Variants in PLCXD1 observed in about 807,000 individuals in gnomAD.
PLCXD1 encodes the protein phosphatidylinositol specific phospholipase C X domain containing 1.
A neutral mutation model predicts 37.8 loss-of-function variants in PLCXD1; 45 were observed. That is an observed-to-expected ratio of 1.19 (90% confidence interval 0.94 to 1.53). The LOEUF is 1.53. PLCXD1 is among the 40% of genes most tolerant of loss of function. The pLI is 0.00. For missense variants in PLCXD1, 539 were observed against 454.7 expected (o/e 1.19, Z -1.69); for synonymous variants, 246 against 206.9 (o/e 1.19, Z -1.62).
In PLCXD1 at chrX:300,238, C is replaced by T. The variant is rs2069961140; in HGVS notation, c.*903C>T. The T allele has an allele frequency of 6.6e-6, 1 of 151,862 alleles. No individual in the cohort carries two copies. Among genetic ancestry groups the T allele is most frequent in the Non-Finnish European group, 1.5e-5 (1 of 68,006 alleles). 9.4% of individuals were successfully genotyped at this position (151,862 alleles called of 1,614,324 possible). A position where few individuals can be genotyped will look rare whatever the true frequency, so the allele number is the denominator to read the frequency against. ...TCTCCTTGCTGTGGCGTCTGGAGCC[C>T]TTACAGACCCAGGGAGACACTATCC... On this transcript the variant is annotated 3_prime_UTR_variant, in exon 7 of 7. Transcript: ENST00000381657.
chrX:288,095 C>G (rs1466915930), intron 2 of PLCXD1, among the ~76,000 whole-genome samples: 1 of 151,044 alleles, frequency 6.6e-6, no homozygotes, highest in Non-Finnish European at 1.5e-5. Flanking sequence ...GTGGCCTCCT[C>G]CTCTGGGTCT....
intron 3 of PLCXD1, among the ~76,000 whole-genome samples, chrX:289,339 A>G (rs181143381): frequency 2.6e-4 from 40 of 151,986 alleles, no homozygotes; most frequent in East Asian, 1.4e-3. Context: ...TGCCCGCCCC[A>G]GCCTCCGAAA....
chrX:292,408 G>T (rs1327400220), intron 5 of PLCXD1, among the ~76,000 whole-genome samples: 1 of 151,926 alleles, frequency 6.6e-6, no homozygotes, highest in Admixed American at 6.6e-5. Context: ...GCAGTGAGCC[G>T]AGATCGCGCC....
At chrX:281,132 G>C (rs1234496792), upstream of PLCXD1, 4 of 128,122 alleles carry the variant, frequency 3.1e-5, no homozygotes, top group African/African-American at 9.7e-5. Context: ...GCCGTGCAGG[G>C]GGAGGGGGGG....
chrX:291,779 C>A, intron 5 of PLCXD1, 125 bp downstream of exon 5: 1 of 1,055,262 alleles, frequency 9.5e-7, no homozygotes, highest in Non-Finnish European at 1.5e-6. Context: ...AGCCGTCGAA[C>A]GGGGGCTGCC....
At chrX:279,491 G>A (rs1376845426), upstream of PLCXD1, among the ~76,000 whole-genome samples, 3 of 152,204 alleles carry the variant, frequency 2.0e-5, no homozygotes, top group Admixed American at 6.5e-5. Context: ...TTATTATTAG[G>A]CCGGGCACGG....
At chrX:279,775 GA>G (rs1557374205), upstream of PLCXD1, among the ~76,000 whole-genome samples, 124 of 140,202 alleles carry the variant, frequency 8.8e-4, no homozygotes, top group Middle Eastern at 3.7e-3. Context: ...CCCTGTCTCT[GA>G]AAAAAAAAAA....
At chrX:293,783 G>A (rs191907248) in intron 6 of PLCXD1, among the ~76,000 whole-genome samples, 18 of 152,278 alleles carry the variant, frequency 1.2e-4, no homozygotes, top group African/African-American at 3.9e-4. Flanking sequence ...AAAAGGACAC[G>A]TAGTGTGTGA....
At chrX:285,316 G>A (rs1436261025) in intron 2 of PLCXD1, among the ~76,000 whole-genome samples, 1 of 151,828 alleles carries the variant, frequency 6.6e-6, no homozygotes, top group Non-Finnish European at 1.5e-5. Context: ...GCATGCACAT[G>A]TGCGGGTGTG....
At chrX:286,206 AG>A (rs2069447610) in intron 2 of PLCXD1, among the ~76,000 whole-genome samples, 2 of 151,960 alleles carry the variant, frequency 1.3e-5, no homozygotes, top group African/African-American at 4.8e-5. Flanking sequence ...CTGGGATTAC[AG>A]GCACGCTCCA....
chrX:293,253 A>G (rs758204401), intron 6 of PLCXD1, 35 bp downstream of exon 6: 14 of 1,556,148 alleles, frequency 9.0e-6, no homozygotes, highest in South Asian at 7.9e-5. Flanking sequence ...TAGATTCCAC[A>G]CAGCCTCCCG....
intron 3 of PLCXD1, among the ~76,000 whole-genome samples, chrX:290,329 C>G (rs1013433268): frequency 9.2e-5 from 14 of 151,592 alleles, no homozygotes; most frequent in Non-Finnish European, 1.5e-4. Flanking sequence ...ACTGGGGAGG[C>G]TGAGGCAGGA....
In PLCXD1 at chrX:303,295, T is replaced by C. The variant is rs1416868557; in HGVS notation, c.*3960T>C. On this transcript the variant is annotated 3_prime_UTR_variant, in exon 7 of 7. Transcript: ENST00000381657. The stretch of plus-strand genomic sequence containing the variant: ...TGTGAATCCTTGTCTGTCAGGGGCG[T>C]ATCCACAAAATCACCGAATTCATAC... The C allele has an allele frequency of 6.6e-6, 1 of 152,154 alleles. No homozygotes were observed. The highest frequency in any genetic ancestry group is 1.5e-5 in the Non-Finnish European group (1 of 68,032). The allele number at this position is 152,154 out of a possible 1,614,324, so 9.4% of individuals were successfully genotyped here. A position where few individuals can be genotyped will look rare whatever the true frequency, so the allele number is the denominator to read the frequency against.
chrX:293,451 C>T (rs1487312761), intron 6 of PLCXD1, among the ~76,000 whole-genome samples: 1 of 152,120 alleles, frequency 6.6e-6, no homozygotes, highest in Non-Finnish European at 1.5e-5. Flanking sequence ...TAGTGAGACC[C>T]CAACTTTACT....
At chrX:276,978 C>T (rs1438556745), upstream of PLCXD1, among the ~76,000 whole-genome samples, 3 of 152,170 alleles carry the variant, frequency 2.0e-5, no homozygotes, top group African/African-American at 4.8e-5. Context: ...GGTCACCGGG[C>T]GTCTGGGCCC....
At chrX:285,462 AC>A (rs1162137747) in intron 2 of PLCXD1, among the ~76,000 whole-genome samples, 6 of 152,200 alleles carry the variant, frequency 3.9e-5, no homozygotes, top group African/African-American at 1.2e-4. Context: ...ACACGTGCAC[AC>A]ATAAACATTT....
intron 6 of PLCXD1, 59 bp downstream of exon 6, chrX:293,277 C>A: frequency 1.5e-6 from 2 of 1,341,030 alleles, no homozygotes; most frequent in Admixed American, 3.9e-5. Context: ...CGCCCTGCGG[C>A]AGGCCGGGTC....
At chrX:282,686 C>T (rs766013713) in intron 1 of PLCXD1, among the ~76,000 whole-genome samples, 3 of 139,152 alleles carry the variant, frequency 2.2e-5, no homozygotes, top group East Asian at 4.1e-4. Flanking sequence ...GCCTGGGCAA[C>T]GAGAGGGAAA....
intron 1 of PLCXD1, chrX:283,572 AGGCC>A: frequency 8.3e-6 from 1 of 121,060 alleles, no homozygotes; most frequent in Admixed American, 8.5e-5. Flanking sequence ...CCTTGGTGTC[AGGCC>A]CGGGTGGGGG....
Sources: allele counts gnomAD v4.1 joint callset (sites outside exome capture counted in the v4.1 genomes callset), GRCh38; gene constraint gnomAD v4.1.1; transcripts MANE v1.5; gene names NCBI Gene and HGNC (gene_info 2026-07-23, HGNC 2026-07-21).